The following C12orf54 variants were observed in gnomAD, a reference collection of about 807,000 sequenced individuals.
The protein encoded by C12orf54 is uncharacterized protein C12orf54.
C12orf54 carries 24 observed loss-of-function variants against 26.4 expected under a neutral mutation model. The ratio of observed to expected loss-of-function variants is 0.91; its 90% confidence interval spans 0.66 to 1.28. The LOEUF is 1.28. C12orf54 is among the 50% of genes most tolerant of loss of function. The probability of loss-of-function intolerance (pLI) is 0.00; values close to 1 mark genes in which losing one functional copy is unlikely to be tolerated. For missense variants in C12orf54, 154 were observed against 150.9 expected (o/e 1.02, Z -0.11); for synonymous variants, 54 against 47.0 (o/e 1.15, Z -0.61).
chr12:48,457,271 TTTG>T, the C12orf54 span, among the ~76,000 whole-genome samples: 27,994 of 133,106 alleles, frequency 0.21, 2,687 homozygotes, highest in East Asian at 0.42. Flanking sequence ...CAAGCAGTTT[TTTG>T]TTGTTGTTGT....
At chr12:48,470,461 C>T in the C12orf54 span, among the ~76,000 whole-genome samples, 1 of 151,778 alleles carries the variant, frequency 6.6e-6, no homozygotes, top group African/African-American at 2.4e-5. Context: ...CATATGTTTA[C>T]TTGTGTGTGT....
At chr12:48,440,717 T>C in the C12orf54 span, among the ~76,000 whole-genome samples, 1 of 152,216 alleles carries the variant, frequency 6.6e-6, no homozygotes, top group Admixed American at 6.5e-5. Flanking sequence ...CAACATGTTA[T>C]TTACAGTCTC....
At chr12:48,442,716 T>G in the C12orf54 span, 1 of 162,386 alleles carries the variant, frequency 6.2e-6, no homozygotes, top group South Asian at 1.7e-4. Flanking sequence ...TCCAACAGCT[T>G]AGGTGCAGTG....
the C12orf54 span, among the ~76,000 whole-genome samples, chr12:48,427,448 G>A: frequency 6.6e-5 from 10 of 152,130 alleles, no homozygotes; most frequent in East Asian, 7.7e-4. Flanking sequence ...TGGTGGATTC[G>A]CTTTTTAATG....
chr12:48,450,074 C>A, the C12orf54 span, among the ~76,000 whole-genome samples: 1 of 152,162 alleles, frequency 6.6e-6, no homozygotes, highest in Admixed American at 6.5e-5. Flanking sequence ...TTTTTCTTCC[C>A]CGTTTTGGGT....
the C12orf54 span, among the ~76,000 whole-genome samples, chr12:48,429,429 C>T: frequency 6.6e-6 from 1 of 151,834 alleles, no homozygotes; most frequent in Non-Finnish European, 1.5e-5. Context: ...CTAAAGACTC[C>T]TCCAGAAGGC....
intron 6 of C12orf54, among the ~76,000 whole-genome samples, chr12:48,491,871 C>A (rs1937796927): frequency 6.6e-6 from 1 of 152,094 alleles, no homozygotes; most frequent in East Asian, 1.9e-4. Context: ...AAAACAGATT[C>A]TTATTCAGTA....
chr12:48,439,136 CA>C, the C12orf54 span, among the ~76,000 whole-genome samples: 770 of 152,246 alleles, frequency 5.1e-3, 5 homozygotes, highest in South Asian at 0.036. Context: ...AGCCAAAAAA[CA>C]CATGAAAAAA....
At chr12:48,449,841 A>C in the C12orf54 span, among the ~76,000 whole-genome samples, 1 of 134,744 alleles carries the variant, frequency 7.4e-6, no homozygotes, top group South Asian at 2.1e-4. Context: ...CCCAAATCTC[A>C]ACTTGAATTG....
At position 48,494,958 on chromosome 12, in the gene C12orf54, AG is replaced by A; in HGVS notation, c.*21del. 6.2e-7 allele frequency: 1 copy of A among 1,610,626 alleles called. No individual in the cohort carries two copies. Among genetic ancestry groups the A allele is most frequent in the Non-Finnish European group, 8.5e-7 (1 of 1,177,202 alleles). On this transcript the variant is annotated 3_prime_UTR_variant, in exon 8 of 9. Coordinates refer to ENST00000548364, the MANE Select transcript of C12orf54 (RefSeq NM_152319.4). ...ACCCTAACTCTACAATCAAGGAAGA[AG>A]GACATCTCTGCTTCCGCCAGGTGCT...
chr12:48,470,082 T>A, the C12orf54 span, among the ~76,000 whole-genome samples: 2 of 152,226 alleles, frequency 1.3e-5, no homozygotes, highest in Admixed American at 1.3e-4. Context: ...ATTTTCTTTA[T>A]CCAGTCTAAC....
chr12:48,441,331 C>T, the C12orf54 span, among the ~76,000 whole-genome samples: 1 of 152,090 alleles, frequency 6.6e-6, no homozygotes, highest in African/African-American at 2.4e-5. Flanking sequence ...GACTAAAATT[C>T]CTAAGACAGT....
At chr12:48,459,785 C>G in the C12orf54 span, among the ~76,000 whole-genome samples, 2 of 152,192 alleles carry the variant, frequency 1.3e-5, no homozygotes, top group South Asian at 4.1e-4. Flanking sequence ...TTCCAGGTGT[C>G]CTTGTCCAGC....
the C12orf54 span, among the ~76,000 whole-genome samples, chr12:48,466,679 A>T: frequency 6.6e-6 from 1 of 152,206 alleles, no homozygotes; most frequent in African/African-American, 2.4e-5. Context: ...TAATGTCCAT[A>T]CCAAATTCTG....
the C12orf54 span, among the ~76,000 whole-genome samples, chr12:48,450,624 A>C: frequency 2.0e-5 from 3 of 152,190 alleles, no homozygotes; most frequent in Non-Finnish European, 4.4e-5. Context: ...AAATAAACAC[A>C]ATCAGAAATG....
chr12:48,475,609 C>T, the C12orf54 span, among the ~76,000 whole-genome samples: 1 of 152,160 alleles, frequency 6.6e-6, no homozygotes, highest in Non-Finnish European at 1.5e-5. Flanking sequence ...GCAGAAGCCT[C>T]ACTAGCTGAT....
chr12:48,453,216 C>G, the C12orf54 span, among the ~76,000 whole-genome samples: 3 of 152,214 alleles, frequency 2.0e-5, no homozygotes, highest in East Asian at 5.8e-4. Context: ...AGACCATTAT[C>G]CTTAGCAAAC....
the C12orf54 span, among the ~76,000 whole-genome samples, chr12:48,427,468 A>G: frequency 2.0e-5 from 3 of 152,094 alleles, no homozygotes; most frequent in African/African-American, 7.2e-5. Flanking sequence ...GTGCTGCTGG[A>G]TTCAGTTTGC....
the C12orf54 span, among the ~76,000 whole-genome samples, chr12:48,451,179 A>G: frequency 6.6e-6 from 1 of 152,326 alleles, no homozygotes; most frequent in East Asian, 1.9e-4. Flanking sequence ...TTGGTTCAAC[A>G]TACACAAATC....
Sources: gnomAD v4.1 joint callset for allele counts (sites outside exome capture counted in the v4.1 genomes callset) on GRCh38, gnomAD v4.1.1 for gene constraint, MANE v1.5 for transcripts, NCBI Gene and HGNC (gene_info 2026-07-23, HGNC 2026-07-21) for gene names.